ADAM19: variants seen among roughly 807,000 people sequenced by gnomAD.
ADAM19 encodes disintegrin and metalloproteinase domain-containing protein 19.
In ADAM19, 65 loss-of-function variants were observed where a neutral mutation model predicts 114.7. The observed-to-expected ratio is 0.57, with a 90% CI of 0.46 to 0.70. The LOEUF (loss-of-function observed/expected upper bound fraction) is 0.70, where lower values mean the gene tolerates loss of function less well. Among genes scored for constraint, ADAM19 ranks in the 30% least tolerant of loss-of-function variants. The probability of loss-of-function intolerance (pLI) is 0.00; values close to 1 mark genes in which losing one functional copy is unlikely to be tolerated. For missense variants in ADAM19, 1,063 were observed against 1,204.7 expected (o/e 0.88, Z 1.74); for synonymous variants, 466 against 460.5 (o/e 1.01, Z -0.15).
chr5:157,542,085 AC>A (rs1413325473), intron 3 of ADAM19, among the ~76,000 whole-genome samples: 2 of 152,032 alleles, frequency 1.3e-5, no homozygotes, highest in African/African-American at 4.8e-5. Flanking sequence ...TGGGAGGTCC[AC>A]TTTTCTGGTC....
In ADAM19 at chr5:157,480,810, T is replaced by C. The variant is rs2113679962; in HGVS notation, c.*139A>G. The C allele has an allele frequency of 3.4e-6, 5 of 1,488,950 alleles. No individual in the cohort carries two copies. Among genetic ancestry groups the C allele is most frequent in the Middle Eastern group, 2.4e-4 (1 of 4,146 alleles). The allele number at this position is 1,488,950 out of a possible 1,614,324, so 92.2% of individuals were successfully genotyped here. A position where few individuals can be genotyped will look rare whatever the true frequency, so the allele number is the denominator to read the frequency against. On this transcript the variant is annotated 3_prime_UTR_variant, in exon 23 of 23. Transcript: ENST00000257527. Reference sequence around the variant, plus strand: ...GGAGGCACTGAGTCAACAGGGAGATTTTTGGAGATGTGGAGGTTCCTGGAG... The same window carrying C: ...GGAGGCACTGAGTCAACAGGGAGATCTTTGGAGATGTGGAGGTTCCTGGAG...
At chr5:157,572,991 G>A (rs1037874228) in intron 1 of ADAM19, among the ~76,000 whole-genome samples, 5 of 152,102 alleles carry the variant, frequency 3.3e-5, no homozygotes, top group African/African-American at 7.2e-5. Flanking sequence ...CCAAGATTGC[G>A]CCAGTGCACT....
chr5:157,564,517 G>T, intron 2 of ADAM19, 74 bp from the exon 3 acceptor site: 1 of 1,254,016 alleles, frequency 8.0e-7, no homozygotes, highest in Non-Finnish European at 1.2e-6. Flanking sequence ...ACAGGATCTA[G>T]CACAGCGCTC....
chr5:157,569,605 G>T (rs1259303586), intron 2 of ADAM19, among the ~76,000 whole-genome samples: 2 of 151,834 alleles, frequency 1.3e-5, no homozygotes, highest in Non-Finnish European at 2.9e-5. Flanking sequence ...ATCCAAGTTG[G>T]AGCCTTTTTG....
intron 14 of ADAM19, among the ~76,000 whole-genome samples, chr5:157,496,430 T>C (rs143506109): frequency 0.01 from 1,586 of 152,314 alleles, 11 homozygotes; most frequent in Non-Finnish European, 0.018. Flanking sequence ...TTGCTTTCCA[T>C]AGTGGTTATA....
At chr5:157,518,992 G>A (rs754720494) in intron 6 of ADAM19, 104 bp from the exon 7 acceptor site, 466 of 951,694 alleles carry the variant, frequency 4.9e-4, no homozygotes, top group Non-Finnish European at 6.8e-4. Context: ...AGCTACCTCC[G>A]TAATGATTTT....
intron 21 of ADAM19, among the ~76,000 whole-genome samples, chr5:157,485,252 G>C (rs1206258185): frequency 6.6e-6 from 1 of 152,044 alleles, no homozygotes; most frequent in East Asian, 1.9e-4. Flanking sequence ...TTCTAACTAG[G>C]ACACCCATTT....
At chr5:157,497,711 G>C (rs1476434050) in intron 13 of ADAM19, among the ~76,000 whole-genome samples, 1 of 152,164 alleles carries the variant, frequency 6.6e-6, no homozygotes, top group Non-Finnish European at 1.5e-5. Context: ...TATCTCGTGG[G>C]ATCCTCACAG....
chr5:157,515,052 T>C (rs1756053613), intron 7 of ADAM19, among the ~76,000 whole-genome samples: 1 of 152,218 alleles, frequency 6.6e-6, no homozygotes, highest in African/African-American at 2.4e-5. Flanking sequence ...CCAGCCCTGA[T>C]ACAGGGAAGA....
At chr5:157,487,098 G>A (rs1754962755) in intron 21 of ADAM19, among the ~76,000 whole-genome samples, 1 of 152,126 alleles carries the variant, frequency 6.6e-6, no homozygotes, top group Admixed American at 6.5e-5. Flanking sequence ...GAGAAAATAA[G>A]TGTCTGTTTT....
At chr5:157,550,630 T>C (rs982956980) in intron 3 of ADAM19, among the ~76,000 whole-genome samples, 1 of 151,296 alleles carries the variant, frequency 6.6e-6, no homozygotes, top group Non-Finnish European at 1.5e-5. Context: ...TGAAATTGTA[T>C]ACTTTAAATG....
At chr5:157,571,152 G>A (rs887480948) in intron 1 of ADAM19, among the ~76,000 whole-genome samples, 172 bp from the exon 2 acceptor site, 6 of 152,210 alleles carry the variant, frequency 3.9e-5, no homozygotes, top group Admixed American at 2.0e-4. Context: ...TGATATTGTG[G>A]TAAATAGGAC....
chr5:157,523,330 G>T (rs1330548398), intron 5 of ADAM19, among the ~76,000 whole-genome samples: 1 of 152,172 alleles, frequency 6.6e-6, no homozygotes, highest in Non-Finnish European at 1.5e-5. Context: ...GTCTGCTGTG[G>T]ATATGGTTTA....
chr5:157,510,371 G>C (rs1755880028), intron 8 of ADAM19, among the ~76,000 whole-genome samples: 1 of 152,226 alleles, frequency 6.6e-6, no homozygotes, highest in Non-Finnish European at 1.5e-5. Context: ...CTACTCAGGA[G>C]GCTGAGGCAG....
At chr5:157,544,307 T>C (rs1313673620) in intron 3 of ADAM19, among the ~76,000 whole-genome samples, 1 of 152,234 alleles carries the variant, frequency 6.6e-6, no homozygotes, top group African/African-American at 2.4e-5. Flanking sequence ...CAGTATGTTT[T>C]CTTTAACTTC....
At chr5:157,546,438 T>C (rs1364793679) in intron 3 of ADAM19, among the ~76,000 whole-genome samples, 1 of 152,148 alleles carries the variant, frequency 6.6e-6, no homozygotes, top group Admixed American at 6.5e-5. Context: ...TATCACCATA[T>C]CCCTGAGAGG....
intron 3 of ADAM19, among the ~76,000 whole-genome samples, chr5:157,550,652 T>C (rs926289379): frequency 6.7e-6 from 1 of 149,910 alleles, no homozygotes; most frequent in African/African-American, 2.5e-5. Flanking sequence ...GTGAACTATA[T>C]GGTATGTGAG....
rs114568616 is a variant in ADAM19 at position 157,549,589 on chromosome 5, C to A, written c.252-11598G>T. 4.1e-3 allele frequency among the ~76,000 whole-genome samples: 620 copies of A among 152,342 alleles called. 4 individuals carry two copies. Among genetic ancestry groups the A allele is most frequent in the African/African-American group, 0.014 (577 of 41,582 alleles). On this transcript the variant is annotated intron_variant, in intron 3 of 22. Coordinates refer to ENST00000257527, the MANE Select transcript of ADAM19 (RefSeq NM_033274.5). The stretch of plus-strand genomic sequence containing the variant: ...CCTCATTAGGGAAGGCTCCCCTCTT[C>A]CCCAGTCACAAATTCCCGTTCCTCT...
At position 157,478,584 on chromosome 5, in the gene ADAM19, C is replaced by T. The variant is rs1754663031; in HGVS notation, c.*2365G>A. The T allele has an allele frequency of 1.0e-6, 1 of 985,560 alleles. No individual in the cohort carries two copies. The allele number at this position is 985,560 out of a possible 1,614,324, so 61.1% of individuals were successfully genotyped here. On this transcript the variant is annotated 3_prime_UTR_variant, in exon 23 of 23. Transcript: ENST00000257527. Reference sequence around the variant, plus strand: ...TGACACCTCAAAACAGCATACTGGGCACTGGAAAGAAAAGGGGATGCATAA... The same window carrying T: ...TGACACCTCAAAACAGCATACTGGGTACTGGAAAGAAAAGGGGATGCATAA...
Sources: allele counts gnomAD v4.1 joint callset (sites outside exome capture counted in the v4.1 genomes callset), GRCh38; gene constraint gnomAD v4.1.1; transcripts MANE v1.5; gene names NCBI Gene and HGNC (gene_info 2026-07-23, HGNC 2026-07-21).